The following ZFHX4 variants were observed in gnomAD, a reference collection of about 807,000 sequenced individuals.
ZFHX4 encodes zinc finger homeobox 4.
A neutral mutation model predicts 267.6 loss-of-function variants in ZFHX4; 56 were observed. The ratio of observed to expected loss-of-function variants is 0.21; its 90% CI spans 0.17 to 0.26. The LOEUF (loss-of-function observed/expected upper bound fraction) is 0.26, where lower values mean the gene tolerates loss of function less well. Among genes scored for constraint, ZFHX4 ranks in the 10% least tolerant of loss-of-function variants. ZFHX4 has a pLI of 1.00. For synonymous variants in ZFHX4, 1,778 were observed against 1,665.6 expected, an observed-to-expected ratio of 1.07 and a Z score of -1.64; for missense variants, 4,332 against 4,420.0, an observed-to-expected ratio of 0.98 and a Z score of 0.56.
At chr8:76,831,867 AG>A (rs1811941322) in intron 4 of ZFHX4, among the ~76,000 whole-genome samples, 2 of 152,154 alleles carry the variant, frequency 1.3e-5, no homozygotes, top group South Asian at 4.1e-4. Flanking sequence ...AAGAGAAAAA[AG>A]GTGGACTTCT....
intron 4 of ZFHX4, among the ~76,000 whole-genome samples, chr8:76,824,364 G>T (rs1470167694): frequency 6.6e-6 from 1 of 152,070 alleles, no homozygotes; most frequent in African/African-American, 2.4e-5. Context: ...TTTTAGTTTT[G>T]CAGACTGCCA....
intron 1 of ZFHX4, among the ~76,000 whole-genome samples, chr8:76,694,697 C>A (rs1220336545): frequency 8.1e-6 from 1 of 122,800 alleles, no homozygotes; most frequent in African/African-American, 3.0e-5. Flanking sequence ...CTCCCGCCCC[C>A]GCCTCTGCCC....
intron 9 of ZFHX4, 145 bp downstream of exon 9, chr8:76,850,507 A>G (rs547662078): frequency 1.3e-6 from 1 of 765,126 alleles, no homozygotes; most frequent in African/African-American, 1.8e-5. Flanking sequence ...ATATTTTCCA[A>G]GGCATATTTT....
chr8:76,833,499 A>T lies in ZFHX4; in HGVS notation c.3394+93A>T. 7.1e-6 allele frequency: 7 copies of T among 985,818 alleles called. No individual in the cohort carries two copies. The South Asian group carries it at 1.0e-4, about 15-fold the overall frequency. The allele number at this position is 985,818 out of a possible 1,614,324, so 61.1% of individuals were successfully genotyped here. A position where few individuals can be genotyped will look rare whatever the true frequency, so the allele number is the denominator to read the frequency against. On this transcript the variant is annotated intron_variant, in intron 5 of 10. Coordinates refer to ENST00000651372, the MANE Select transcript of ZFHX4 (RefSeq NM_024721.5). Reference sequence around the variant, plus strand: ...ATTGATGGAATAAACATTCTCTGGAACTTCTCTAATTAGATCTGATCATAT... The same window carrying T: ...ATTGATGGAATAAACATTCTCTGGATCTTCTCTAATTAGATCTGATCATAT...
intron 4 of ZFHX4, 115 bp downstream of exon 4, chr8:76,778,554 C>G: frequency 5.8e-6 from 5 of 869,034 alleles, no homozygotes; most frequent in Non-Finnish European, 9.3e-6. Flanking sequence ...GAGCCTGTCC[C>G]CCAGTGTAAA....
chr8:76,858,777 C>T (rs1488368749), intron 10 of ZFHX4, among the ~76,000 whole-genome samples: 4 of 152,158 alleles, frequency 2.6e-5, no homozygotes, highest in Non-Finnish European at 5.9e-5. Flanking sequence ...ATCAAAAGAA[C>T]ATTATAAGTA....
At chr8:76,750,261 G>A (rs1809578147) in intron 3 of ZFHX4, among the ~76,000 whole-genome samples, 1 of 152,076 alleles carries the variant, frequency 6.6e-6, no homozygotes, top group South Asian at 2.1e-4. Context: ...AAATTGTATT[G>A]ACTGTATATA....
chr8:76,837,957 C>T (rs533173223), intron 5 of ZFHX4, among the ~76,000 whole-genome samples: 2 of 152,200 alleles, frequency 1.3e-5, no homozygotes, highest in African/African-American at 4.8e-5. Flanking sequence ...TTTTACTAAG[C>T]TTGTGCTCAC....
At chr8:76,699,998 G>A (rs186625796) in intron 1 of ZFHX4, among the ~76,000 whole-genome samples, 88 of 151,934 alleles carry the variant, frequency 5.8e-4, no homozygotes, top group African/African-American at 2.1e-3. Context: ...TTCACACTGC[G>A]CCTCTCTTTT....
At position 76,855,562 on chromosome 8, in the gene ZFHX4, G is replaced by T. The variant is rs777674733; in HGVS notation, c.8641G>T (p.Asp2881Tyr). ...CATCCATTTCAATGACAAAGATGGC[G>T]ACCACGACCAAAGCTTTTACATCAC... ...PSIHFNDKDGDHDQSFYITDD... is the reference protein window; with the variant it reads ...PSIHFNDKDGYHDQSFYITDD... The change falls in exon 10 of 11, where the codon GAC becomes TAC. Residue 2881 changes from aspartate (D) to tyrosine (Y), a missense_variant. Coordinates refer to ENST00000651372, the MANE Select transcript of ZFHX4 (RefSeq NM_024721.5). 1 of 1,613,792 alleles carries T rather than the reference G, an allele frequency of 6.2e-7. No homozygotes were observed. The highest frequency in any genetic ancestry group is 1.1e-5 in the South Asian group (1 of 91,064).
At chr8:76,847,543 C>A (rs954610480) in intron 6 of ZFHX4, among the ~76,000 whole-genome samples, 1 of 151,900 alleles carries the variant, frequency 6.6e-6, no homozygotes, top group African/African-American at 2.4e-5. Flanking sequence ...CTGATGAAAA[C>A]TTTGCATTAA....
intron 5 of ZFHX4, chr8:76,834,145 A>T (rs1416979050): frequency 2.2e-6 from 1 of 452,040 alleles, no homozygotes; most frequent in Non-Finnish European, 4.4e-6. Context: ...TACTGAGAAC[A>T]TCTTGGTTGA....
At chr8:76,751,584 T>C (rs1209235734) in intron 3 of ZFHX4, among the ~76,000 whole-genome samples, 1 of 152,224 alleles carries the variant, frequency 6.6e-6, no homozygotes, top group Non-Finnish European at 1.5e-5. Context: ...ATTTGCTTTC[T>C]TTACTTCACT....
At chr8:76,710,273 T>G (rs947979261) in intron 3 of ZFHX4, among the ~76,000 whole-genome samples, 5 of 152,172 alleles carry the variant, frequency 3.3e-5, no homozygotes, top group African/African-American at 1.2e-4. Context: ...TCAAGAAACA[T>G]TCATTATTTC....
intron 3 of ZFHX4, among the ~76,000 whole-genome samples, chr8:76,724,448 C>A (rs562430708): frequency 7.9e-5 from 12 of 152,152 alleles, no homozygotes; most frequent in Non-Finnish European, 1.8e-4. Context: ...ATTACCCTAT[C>A]TTTCACATTG....
chr8:76,789,523 C>T (rs1235314355), intron 4 of ZFHX4, among the ~76,000 whole-genome samples: 1 of 152,104 alleles, frequency 6.6e-6, no homozygotes, highest in Non-Finnish European at 1.5e-5. Context: ...GAAGACAGTA[C>T]ATTTAGCATT....
At position 76,854,647 on chromosome 8, in the gene ZFHX4, G is replaced by C. The variant is rs756360526; in HGVS notation, c.7726G>C (p.Ala2576Pro). 9 of 1,613,706 alleles carry C rather than the reference G, an allele frequency of 5.6e-6. No homozygotes were observed. In the East Asian group the frequency reaches 1.1e-4, roughly 20 times the overall value. Residue 2576 changes from alanine (A) to proline (P), a missense_variant, in exon 10 of 11, where the codon GCT (alanine) becomes CCT (proline). Ala to Pro is a conservative substitution (Grantham distance 27). This residue lies in a region of ZFHX4 where 1,648 missense variants were observed against 1,625.0 expected (regional missense o/e 1.01). Transcript: ENST00000651372. ...SHTTAPTTVA[A>P]SLKRKLDDKE... Reference sequence around the variant, plus strand: ...CACCACAGCCCCCACAACGGTTGCTGCTTCCCTAAAAAGGAAACTAGACGA... The same window carrying C: ...CACCACAGCCCCCACAACGGTTGCTCCTTCCCTAAAAAGGAAACTAGACGA...
intron 4 of ZFHX4, among the ~76,000 whole-genome samples, chr8:76,812,102 T>C (rs1811393181): frequency 6.6e-6 from 1 of 152,232 alleles, no homozygotes; most frequent in South Asian, 2.1e-4. Context: ...AAGAAAATCA[T>C]GTTTACAATT....
At chr8:76,764,668 A>G (rs769714001) in intron 3 of ZFHX4, among the ~76,000 whole-genome samples, 19 of 152,176 alleles carry the variant, frequency 1.2e-4, no homozygotes, top group African/African-American at 4.8e-5. Context: ...GGACCAGTAC[A>G]TTTCAAAAGT....
Sources: gnomAD v4.1 joint callset for allele counts (sites outside exome capture counted in the v4.1 genomes callset) on GRCh38, gnomAD v4.1.1 for gene constraint, gnomAD v4.1.1 regional missense constraint, MANE v1.5 for transcripts, NCBI Gene and HGNC (gene_info 2026-07-23, HGNC 2026-07-21) for gene names.